Variants in TMCO4 observed in about 807,000 individuals in gnomAD.
TMCO4 encodes the protein transmembrane and coiled-coil domain-containing protein 4.
Under a neutral mutation model 64.7 loss-of-function variants are expected in TMCO4, and 58 were observed. The ratio of observed to expected loss-of-function variants is 0.90; its 90% CI spans 0.73 to 1.12. TMCO4 has a LOEUF of 1.12. Among genes scored for constraint, TMCO4 ranks in the 50% most tolerant of loss-of-function variants. TMCO4 has a pLI of 0.00. For synonymous variants in TMCO4, 325 were observed against 346.1 expected (o/e 0.94, Z 0.68); for missense variants, 780 against 825.9 (o/e 0.94, Z 0.68).
intron 5 of TMCO4, among the ~76,000 whole-genome samples, 191 bp from the exon 6 acceptor site, chr1:19,770,760 A>G (rs2042945045): frequency 6.6e-6 from 1 of 152,196 alleles, no homozygotes; most frequent in Non-Finnish European, 1.5e-5. Context: ...AGGTAGTGAG[A>G]TAAGGAGGGG....
At chr1:19,760,505 C>T (rs551830730) in intron 6 of TMCO4, among the ~76,000 whole-genome samples, 2 of 152,320 alleles carry the variant, frequency 1.3e-5, no homozygotes, top group East Asian at 1.9e-4. Flanking sequence ...GCAGCCTCAA[C>T]CTCCTGGGCT....
At chr1:19,708,569 C>T (rs918053791) in intron 13 of TMCO4, among the ~76,000 whole-genome samples, 3 of 152,162 alleles carry the variant, frequency 2.0e-5, no homozygotes, top group African/African-American at 7.2e-5. Flanking sequence ...AAGGGCCCCA[C>T]AGAGAACACT....
chr1:19,700,845 C>T lies in TMCO4; in HGVS notation c.1305G>A (p.Ala435=), dbSNP rs780855304. 42 of 1,614,110 alleles carry T rather than the reference C, an allele frequency of 2.6e-5. No individual in the cohort carries two copies. Among genetic ancestry groups the T allele is most frequent in the South Asian group, 8.8e-5 (8 of 91,086 alleles). Residue 435 remains alanine, a synonymous_variant, in exon 14 of 16, where the codon GCG becomes GCA. Transcript: ENST00000294543. ...GIIEDVILLG[A]PVEGEAKHWE... ...AATGCTTGGCTTCTCCCTCCACAGG[C>T]GCACCCAGCAGGATGACGTCCTCGA...
intron 3 of TMCO4, among the ~76,000 whole-genome samples, chr1:19,782,696 G>T (rs1034441969): frequency 2.6e-5 from 4 of 152,244 alleles, no homozygotes; most frequent in Non-Finnish European, 5.9e-5. Context: ...GGAGAGAGGG[G>T]ACACGCCAAG....
Position 19,780,639 on chromosome 1 carries a change from G to GA in TMCO4, c.119dup (p.Ala41ArgfsTer16), listed in dbSNP as rs750088261. 1.9e-6 allele frequency: 3 copies of GA among 1,613,908 alleles called. No individual in the cohort carries two copies. Among genetic ancestry groups the GA allele is most frequent in the Non-Finnish European group, 2.5e-6 (3 of 1,179,934 alleles). ...AGATGCCACAGAGGGCAGCATAGGC[G>GA]AAGCGGTTGGCCTCAGTCAGCTCCC... On this transcript the variant is annotated frameshift_variant, in exon 4 of 16. Coordinates refer to ENST00000294543, the MANE Select transcript of TMCO4 (RefSeq NM_181719.7). LOFTEE classifies it high-confidence loss of function.
intron 13 of TMCO4, among the ~76,000 whole-genome samples, chr1:19,735,947 G>A (rs1410898349): frequency 6.6e-6 from 1 of 152,122 alleles, no homozygotes; most frequent in Non-Finnish European, 1.5e-5. Flanking sequence ...TGGAGAGCAG[G>A]GAGGAGTCTG....
At chr1:19,742,982 G>A (rs1430913430) in intron 10 of TMCO4, among the ~76,000 whole-genome samples, 3 of 152,152 alleles carry the variant, frequency 2.0e-5, no homozygotes, top group South Asian at 4.2e-4. Flanking sequence ...CCCGGGAGGC[G>A]GAGGTTGCAG....
chr1:19,776,131 C>T (rs1367131311), intron 4 of TMCO4, among the ~76,000 whole-genome samples: 1 of 152,200 alleles, frequency 6.6e-6, no homozygotes, highest in Admixed American at 6.5e-5. Context: ...TGGTCTCAAA[C>T]TCCTAACCTC....
chr1:19,688,195 T>C (rs1208399758), intron 15 of TMCO4, among the ~76,000 whole-genome samples: 1 of 152,166 alleles, frequency 6.6e-6, no homozygotes, highest in East Asian at 1.9e-4. Context: ...ATGGCACTCA[T>C]AACCTGTCAT....
chr1:19,764,811 C>T (rs1033842617), intron 6 of TMCO4, among the ~76,000 whole-genome samples: 9 of 131,426 alleles, frequency 6.8e-5, no homozygotes, highest in South Asian at 2.5e-4. Flanking sequence ...GCCAAGATTG[C>T]GCCATTGCAC....
At position 19,687,856 on chromosome 1, in the gene TMCO4, G is replaced by A. The variant is rs530651293; in HGVS notation, c.1501-4412C>T. 2.6e-5 allele frequency among the ~76,000 whole-genome samples: 4 copies of A among 152,264 alleles called. No individual in the cohort carries two copies. The East Asian group carries it at 7.7e-4, about 29-fold the overall frequency. The stretch of plus-strand genomic sequence containing the variant: ...AGAACACACAGCTCTGGCCCTCCTC[G>A]ACTACAAGTTGGTCTGGGTCTCAGG... On this transcript the variant is annotated intron_variant, in intron 15 of 15. Transcript: ENST00000294543.
At chr1:19,716,549 G>T (rs890817687) in intron 13 of TMCO4, among the ~76,000 whole-genome samples, 15 of 151,134 alleles carry the variant, frequency 9.9e-5, no homozygotes, top group African/African-American at 2.9e-4. Flanking sequence ...GTTTTGTTTT[G>T]TTTTTTTTAA....
Position 19,747,246 on chromosome 1 carries a change from G to GA in TMCO4, c.529dup (p.Ser177PhefsTer88), listed in dbSNP as rs1386481997. 1 of 1,613,460 alleles carries GA rather than the reference G, an allele frequency of 6.2e-7. No homozygotes were observed. Among genetic ancestry groups the GA allele is most frequent in the Non-Finnish European group, 8.5e-7 (1 of 1,179,882 alleles). On this transcript the variant is annotated frameshift_variant, in exon 8 of 16. Transcript: ENST00000294543. LOFTEE classifies it high-confidence loss of function. The stretch of plus-strand genomic sequence containing the variant: ...CCTCCGGTTTTCTTTCTTCTTTCGG[G>GA]ATGCCTCGGCCATTCTGAGGGAAAA...
At chr1:19,728,434 A>G (rs1047992299) in intron 13 of TMCO4, among the ~76,000 whole-genome samples, 2 of 152,216 alleles carry the variant, frequency 1.3e-5, no homozygotes, top group Non-Finnish European at 1.5e-5. Context: ...CTATGCTGCT[A>G]TTGCTGTGAC....
At chr1:19,752,254 G>T (rs894521019) in intron 7 of TMCO4, among the ~76,000 whole-genome samples, 2 of 152,114 alleles carry the variant, frequency 1.3e-5, no homozygotes, top group East Asian at 3.9e-4. Flanking sequence ...CACTAAATCC[G>T]AATGACAGCC....
intron 6 of TMCO4, among the ~76,000 whole-genome samples, chr1:19,761,609 C>G (rs61768297): frequency 0.12 from 17,839 of 152,272 alleles, 1,148 homozygotes; most frequent in Non-Finnish European, 0.13. Context: ...GGAGACTTGA[C>G]AGTCACAGCG....
intron 6 of TMCO4, among the ~76,000 whole-genome samples, chr1:19,757,573 G>A (rs2042322384): frequency 6.6e-6 from 1 of 152,022 alleles, no homozygotes; most frequent in Non-Finnish European, 1.5e-5. Flanking sequence ...ACATCTTTGG[G>A]GGCCATTATT....
intron 7 of TMCO4, among the ~76,000 whole-genome samples, chr1:19,754,503 A>G (rs2042156965): frequency 6.6e-6 from 1 of 152,062 alleles, no homozygotes; most frequent in African/African-American, 2.4e-5. Flanking sequence ...CTGGGTCTCA[A>G]TTTGGCTTTA....
intron 13 of TMCO4, among the ~76,000 whole-genome samples, chr1:19,714,845 C>T (rs1440290306): frequency 6.6e-6 from 1 of 152,110 alleles, no homozygotes; most frequent in Non-Finnish European, 1.5e-5. Flanking sequence ...ATCGCTTGAA[C>T]CCAGGAGGTG....
Sources: gnomAD v4.1 joint callset for allele counts (sites outside exome capture counted in the v4.1 genomes callset) on GRCh38, gnomAD v4.1.1 for gene constraint, MANE v1.5 for transcripts, NCBI Gene and HGNC (gene_info 2026-07-23, HGNC 2026-07-21) for gene names.